Variants in PRKACA observed in about 807,000 individuals in gnomAD.
PRKACA encodes protein kinase cAMP-activated catalytic subunit alpha, also known as cAMP-dependent protein kinase catalytic subunit alpha.
Under a neutral mutation model 45.8 loss-of-function variants are expected in PRKACA, and 9 were observed. The ratio of observed to expected loss-of-function variants is 0.20; its 90% CI spans 0.12 to 0.34. The LOEUF is 0.34. Ranked by LOEUF, PRKACA falls within the 10% of genes least tolerant of loss-of-function variation. PRKACA has a pLI of 1.00. For missense variants in PRKACA, 238 were observed against 458.6 expected, an observed-to-expected ratio of 0.52 and a Z score of 4.39; for synonymous variants, 160 against 178.6, an observed-to-expected ratio of 0.90 and a Z score of 0.83.
chr19:14,103,051 G>A (rs968663860), intron 3 of PRKACA, 137 bp from the exon 4 acceptor site: 5 of 716,286 alleles, frequency 7.0e-6, no homozygotes, highest in African/African-American at 5.2e-5. Context: ...GTGGCCTGTC[G>A]GGCCCTTAGC....
At chr19:14,109,165 G>A (rs565358359) in intron 1 of PRKACA, among the ~76,000 whole-genome samples, 1 of 151,520 alleles carries the variant, frequency 6.6e-6, no homozygotes, top group South Asian at 2.1e-4. Context: ...TGGCCAACAT[G>A]GCGAAACCCC....
chr19:14,096,033 T>TTG (rs1491226625), intron 8 of PRKACA, among the ~76,000 whole-genome samples: 26 of 112,792 alleles, frequency 2.3e-4, no homozygotes, highest in African/African-American at 1.2e-3. Context: ...TAATTTTTAG[T>TTG]TTTTTTTTTT....
intron 2 of PRKACA, 85 bp from the exon 3 acceptor site, chr19:14,106,973 G>A (rs1471278623): frequency 1.4e-5 from 21 of 1,549,494 alleles, no homozygotes; most frequent in Middle Eastern, 2.3e-4. Context: ...CTCTGCCACC[G>A]GCAGAGGGGG....
intron 5 of PRKACA, among the ~76,000 whole-genome samples, 191 bp downstream of exon 5, chr19:14,100,633 GCT>G (rs1405149186): frequency 6.6e-6 from 1 of 152,170 alleles, no homozygotes; most frequent in Non-Finnish European, 1.5e-5. Flanking sequence ...TGCCCTGTTT[GCT>G]CTGTTTTGTT....
intron 1 of PRKACA, chr19:14,107,989 G>T (rs1195384717): frequency 6.1e-6 from 6 of 985,866 alleles, no homozygotes; most frequent in Non-Finnish European, 7.2e-6. Context: ...GAACATCACC[G>T]CCTGGCTAAT....
At chr19:14,107,656 A>G in intron 1 of PRKACA, 1 of 1,318,018 alleles carries the variant, frequency 7.6e-7, no homozygotes, top group Non-Finnish European at 9.7e-7. Flanking sequence ...CTCGCAGGGG[A>G]ACGGAGGGAG....
Position 14,092,482 on chromosome 19 carries a change from T to G in PRKACA, c.*630A>C. 2.4e-5 allele frequency: 9 copies of G among 378,876 alleles called. No homozygotes were observed. Among genetic ancestry groups the G allele is most frequent in the Middle Eastern group, 6.6e-4 (1 of 1,510 alleles). The allele number at this position is 378,876 out of a possible 1,614,324, so 23.5% of individuals were successfully genotyped here. On this transcript the variant is annotated 3_prime_UTR_variant, in exon 10 of 10. Transcript: ENST00000308677. ...TCAGTCTGCTTCTCTTTAAAATGGA[T>G]TTGAGGAATGGGGGGACATGGGAGG...
At chr19:14,108,209 G>C (rs896401644) in intron 1 of PRKACA, 23 of 952,822 alleles carry the variant, frequency 2.4e-5, no homozygotes, top group Admixed American at 6.2e-5. Context: ...AGCCCAGCCT[G>C]GTCTCTGATG....
At chr19:14,115,225 C>G in intron 1 of PRKACA, 1 of 540,006 alleles carries the variant, frequency 1.9e-6, no homozygotes, top group Non-Finnish European at 2.4e-6. Flanking sequence ...GTATTTAATG[C>G]GTATCAGAGA....
Position 14,092,639 on chromosome 19 carries a change from G to C in PRKACA, c.*473C>G, listed in dbSNP as rs1977113276. The C allele has an allele frequency of 5.0e-6, 2 of 398,876 alleles. No homozygotes were observed. The highest frequency in any genetic ancestry group is 2.1e-5 in the African/African-American group (1 of 48,558). The allele number at this position is 398,876 out of a possible 1,614,324, so 24.7% of individuals were successfully genotyped here. A position where few individuals can be genotyped will look rare whatever the true frequency, so the allele number is the denominator to read the frequency against. The stretch of plus-strand genomic sequence containing the variant: ...ACTAAAAATCTCTCCTTCCCAGGCA[G>C]GATTACTCCGAAAGGAAGGTTGGCG... On this transcript the variant is annotated 3_prime_UTR_variant, in exon 10 of 10. Coordinates refer to ENST00000308677, the MANE Select transcript of PRKACA (RefSeq NM_002730.4).
At chr19:14,093,277 A>G (rs200414270) in intron 9 of PRKACA, 40 bp from the exon 10 acceptor site, 158 of 1,594,684 alleles carry the variant, frequency 9.9e-5, no homozygotes, top group Non-Finnish European at 1.2e-4. Flanking sequence ...TCAGCATTCA[A>G]CATAATCATT....
chr19:14,113,214 G>A (rs1373899563), intron 1 of PRKACA, among the ~76,000 whole-genome samples: 1 of 152,118 alleles, frequency 6.6e-6, no homozygotes, highest in East Asian at 1.9e-4. Context: ...CCAGGGGTGG[G>A]GGAGGGGGAG....
chr19:14,099,709 C>T (rs986656801), intron 5 of PRKACA, among the ~76,000 whole-genome samples: 1 of 151,204 alleles, frequency 6.6e-6, no homozygotes, highest in Non-Finnish European at 1.5e-5. Context: ...GATTATAGGG[C>T]ATGAGCCACA....
At chr19:14,096,032 G>GTTTTTTTTTTTTT (rs60082323) in intron 8 of PRKACA, among the ~76,000 whole-genome samples, 1 of 92,580 alleles carries the variant, frequency 1.1e-5, no homozygotes, top group Non-Finnish European at 2.1e-5. Flanking sequence ...CTAATTTTTA[G>GTTTTTTTTTTTTT]TTTTTTTTTT....
chr19:14,099,029 G>A (rs1040161235), intron 5 of PRKACA, among the ~76,000 whole-genome samples: 1 of 152,044 alleles, frequency 6.6e-6, no homozygotes, highest in Non-Finnish European at 1.5e-5. Context: ...GCCCATGCCT[G>A]TAATCCCAGC....
At position 14,093,130 on chromosome 19, in the gene PRKACA, C is replaced by T; in HGVS notation, c.1038G>A (p.Lys346=). Residue 346 remains lysine, a synonymous_variant, in exon 10 of 10, where the codon AAG becomes AAA. Transcript: ENST00000308677. ...CATGCCCCTAAAACTCAGAAAACTCCTTGCCACACTTCTCATTGATGGAGA... is the reference window on the plus strand; with the variant it reads ...CATGCCCCTAAAACTCAGAAAACTCTTTGCCACACTTCTCATTGATGGAGA... ...IRVSINEKCG[K]EFSEF 6.3e-7 allele frequency: 1 copy of T among 1,590,880 alleles called. No homozygotes were observed. The highest frequency in any genetic ancestry group is 8.6e-7 in the Non-Finnish European group (1 of 1,166,164).
At position 14,092,271 on chromosome 19, in the gene PRKACA, G is replaced by A. The variant is rs975659798; in HGVS notation, c.*841C>T. 3 of 203,448 alleles carry A rather than the reference G, an allele frequency of 1.5e-5. No homozygotes were observed. Among genetic ancestry groups the A allele is most frequent in the East Asian group, 2.1e-4 (2 of 9,484 alleles). 12.6% of individuals were successfully genotyped at this position (203,448 alleles called of 1,614,324 possible). ...GGATGACTCCTCTTTGGCAGGGAGA[G>A]GGGCAGCTGCTTTGTCTGGCTTTCA... On this transcript the variant is annotated 3_prime_UTR_variant, in exon 10 of 10. Transcript: ENST00000308677.
At chr19:14,093,973 A>G (rs571253634) in intron 8 of PRKACA, among the ~76,000 whole-genome samples, 181 bp from the exon 9 acceptor site, 147 of 152,244 alleles carry the variant, frequency 9.7e-4, no homozygotes, top group African/African-American at 3.2e-3. Flanking sequence ...GAAGTCTGAT[A>G]CTGTGGCCTG....
chr19:14,093,540 GTTCTC>G (rs1268416609), intron 9 of PRKACA, 83 bp downstream of exon 9: 48 of 1,487,784 alleles, frequency 3.2e-5, no homozygotes, highest in Non-Finnish European at 4.1e-5. Flanking sequence ...CTGAACCTGT[GTTCTC>G]TTCTCTATTT....
Sources: gnomAD v4.1 joint callset for allele counts (sites outside exome capture counted in the v4.1 genomes callset) on GRCh38, gnomAD v4.1.1 for gene constraint, MANE v1.5 for transcripts, NCBI Gene and HGNC (gene_info 2026-07-23, HGNC 2026-07-21) for gene names.